Variants in FARP2 observed in about 807,000 individuals in gnomAD.
FARP2 encodes the protein FERM, ARH/RhoGEF and pleckstrin domain protein 2, also known as FERM, ARHGEF and pleckstrin domain-containing protein 2.
FARP2 carries 111 observed loss-of-function variants against 130.5 expected under a neutral mutation model. The observed-to-expected ratio is 0.85, with a 90% CI of 0.73 to 1.00. FARP2 has a LOEUF of 1.00. FARP2 is among the 50% of genes least tolerant of loss of function. FARP2 has a pLI of 0.00. For synonymous variants in FARP2, 504 were observed against 516.9 expected, an observed-to-expected ratio of 0.98 and a Z score of 0.34; for missense variants, 1,385 against 1,346.3, an observed-to-expected ratio of 1.03 and a Z score of -0.45.
intron 17 of FARP2, chr2:241,466,095 G>A: frequency 2.7e-6 from 3 of 1,092,746 alleles, no homozygotes; most frequent in Non-Finnish European, 2.2e-6. Flanking sequence ...AAACCCTTTA[G>A]CTCTGGGGAG....
At chr2:241,462,905 G>C (rs1385499003) in intron 15 of FARP2, among the ~76,000 whole-genome samples, 1 of 152,042 alleles carries the variant, frequency 6.6e-6, no homozygotes, top group African/African-American at 2.4e-5. Context: ...GGCCAGGCTG[G>C]TCCCAAACTC....
intron 1 of FARP2, among the ~76,000 whole-genome samples, chr2:241,362,642 T>C (rs1003527262): frequency 1.5e-4 from 23 of 152,188 alleles, no homozygotes; most frequent in African/African-American, 5.5e-4. Context: ...GAACTATTTT[T>C]GAAAGAAGAG....
intron 1 of FARP2, among the ~76,000 whole-genome samples, chr2:241,360,486 C>T (rs2061162093): frequency 6.6e-6 from 1 of 151,948 alleles, no homozygotes; most frequent in Non-Finnish European, 1.5e-5. Flanking sequence ...TCCTGGCTAA[C>T]ACAGTGAAAC....
intron 1 of FARP2, among the ~76,000 whole-genome samples, chr2:241,360,145 TTC>T (rs1019893995): frequency 9.9e-5 from 15 of 152,176 alleles, no homozygotes; most frequent in African/African-American, 1.7e-4. Context: ...GGGGGAATTT[TTC>T]TCTCTTAGGA....
intron 2 of FARP2, among the ~76,000 whole-genome samples, chr2:241,391,857 A>G (rs1197618931): frequency 6.6e-6 from 1 of 152,222 alleles, no homozygotes; most frequent in Non-Finnish European, 1.5e-5. Context: ...GAATCGTTCA[A>G]GGGCCAGTCA....
chr2:241,478,451 G>A (rs964544075), intron 19 of FARP2: 1 of 266,342 alleles, frequency 3.8e-6, no homozygotes, highest in African/African-American at 2.3e-5. Flanking sequence ...GCTCAACATT[G>A]GTGGCACCTA....
chr2:241,359,635 A>G (rs2061139802), intron 1 of FARP2, among the ~76,000 whole-genome samples: 1 of 152,228 alleles, frequency 6.6e-6, no homozygotes. Flanking sequence ...CAGGCTAGCC[A>G]GCGGTGCTGC....
chr2:241,465,755 C>T lies in FARP2; in HGVS notation c.1893+1775C>T, dbSNP rs75956936. ...TGAAGCTGAGCCACAGTGACGACGA[C>T]GACTCAAGCTCCCCCTCCTCCATCC... On this transcript the variant is annotated intron_variant, in intron 17 of 26. Coordinates refer to ENST00000264042, the MANE Select transcript of FARP2 (RefSeq NM_014808.4). 0.014 allele frequency: 22,370 copies of T among 1,550,668 alleles called. 2,834 individuals carry two copies. In the Admixed American group the frequency reaches 0.27, roughly 19 times the overall value.
rs774505507 is a variant in FARP2, at chr2:241,494,141, G to C, written c.*16G>C. ...GGAGGAATGACGCTCAACCTGCCCA[G>C]GTTTGGACACAACTACAAAGAACAG... is the stretch of plus-strand genomic sequence containing the variant. On this transcript the variant is annotated 3_prime_UTR_variant, in exon 27 of 27. Coordinates refer to ENST00000264042, the MANE Select transcript of FARP2 (RefSeq NM_014808.4). The surrounding 1 kb of genome is among the most constrained non-coding windows in gnomAD (Gnocchi z 4.9). 2 of 1,423,430 alleles carry C rather than the reference G, an allele frequency of 1.4e-6. No individual in the cohort carries two copies. Among genetic ancestry groups the C allele is most frequent in the African/African-American group, 3.0e-5 (2 of 66,518 alleles). 88.2% of individuals were successfully genotyped at this position (1,423,430 alleles called of 1,614,324 possible).
rs142064281 is a variant in FARP2 at position 241,373,174 on chromosome 2, C to G, written c.67C>G (p.Pro23Ala). The G allele has an allele frequency of 8.9e-5, 140 of 1,573,432 alleles. No homozygotes were observed. The African/African-American group carries it at 1.6e-3, about 18-fold the overall frequency. The change falls in exon 2 of 27, where the codon CCT becomes GCT. Residue 23 changes from proline to alanine, a missense_variant. Coordinates refer to ENST00000264042, the MANE Select transcript of FARP2 (RefSeq NM_014808.4). The stretch of plus-strand genomic sequence containing the variant: ...AGGGATGCGCTTGGGTGCCCAGACC[C>G]CTGTGGGAGTTAGCACCCTTGAGCC... Reference protein sequence around the residue: ...TAGMRLGAQTPVGVSTLEPGQ... With the variant: ...TAGMRLGAQTAVGVSTLEPGQ...
intron 1 of FARP2, among the ~76,000 whole-genome samples, chr2:241,366,999 A>T (rs2061332684): frequency 6.6e-6 from 1 of 152,000 alleles, no homozygotes; most frequent in Non-Finnish European, 1.5e-5. Flanking sequence ...CTTGGTAGAT[A>T]CCTTTCTGTG....
At chr2:241,478,963 G>T in intron 19 of FARP2, 1 of 421,926 alleles carries the variant, frequency 2.4e-6, no homozygotes, top group South Asian at 3.1e-5. Context: ...AGAAGGCCAA[G>T]ATTTTGCAAG....
At chr2:241,387,344 T>C (rs1478367882) in intron 2 of FARP2, 1 of 152,142 alleles carries the variant, frequency 6.6e-6, no homozygotes, top group Admixed American at 6.5e-5. Context: ...CACTACGTTG[T>C]ATATAGAAAA....
At chr2:241,377,718 A>G (rs1474607697) in intron 2 of FARP2, among the ~76,000 whole-genome samples, 1 of 152,172 alleles carries the variant, frequency 6.6e-6, no homozygotes, top group African/African-American at 2.4e-5. Context: ...AATACTTGTT[A>G]TACTGTATTG....
chr2:241,491,470 G>C lies in FARP2; in HGVS notation c.2624-46G>C, dbSNP rs369898113. The C allele has an allele frequency of 4.0e-5, 64 of 1,606,884 alleles. No individual in the cohort carries two copies. The African/African-American group carries it at 8.0e-4, about 20-fold the overall frequency. On this transcript the variant is annotated intron_variant, in intron 23 of 26. Transcript: ENST00000264042. ...AAGGGGTGGAAGTATTTGGCAAGCAGAGGCCACAGGGGGTTCCCCCTGAGA... is the reference window on the plus strand; with the variant it reads ...AAGGGGTGGAAGTATTTGGCAAGCACAGGCCACAGGGGGTTCCCCCTGAGA...
chr2:241,378,331 G>A (rs2150309439), intron 2 of FARP2, among the ~76,000 whole-genome samples: 1 of 149,104 alleles, frequency 6.7e-6, no homozygotes, highest in South Asian at 2.1e-4. Context: ...GGCTGGTTTT[G>A]AACTCCTGAC....
intron 5 of FARP2, among the ~76,000 whole-genome samples, chr2:241,408,434 T>C (rs953321947): frequency 7.9e-5 from 12 of 151,460 alleles, no homozygotes; most frequent in African/African-American, 1.5e-4. Flanking sequence ...TCCCAGCTAA[T>C]TGGGAGGCTG....
intron 19 of FARP2, among the ~76,000 whole-genome samples, chr2:241,479,722 C>T (rs1372362404): frequency 6.8e-6 from 1 of 147,970 alleles, no homozygotes; most frequent in Non-Finnish European, 1.5e-5. Context: ...AACCCGTTAG[C>T]GTGAGGTAGC....
At chr2:241,425,186 G>A (rs192326374) in intron 8 of FARP2, among the ~76,000 whole-genome samples, 16 of 152,150 alleles carry the variant, frequency 1.1e-4, no homozygotes, top group East Asian at 1.9e-4. Context: ...CAGTCTGGGC[G>A]ATGAAGTGCG....
Sources: allele counts gnomAD v4.1 joint callset (sites outside exome capture counted in the v4.1 genomes callset), GRCh38; gene constraint gnomAD v4.1.1; non-coding constraint Gnocchi (gnomAD v3.1); transcripts MANE v1.5; gene names NCBI Gene and HGNC (gene_info 2026-07-23, HGNC 2026-07-21).